Variants in NLGN1 observed in about 807,000 individuals in gnomAD.
NLGN1 encodes neuroligin-1.
Under a neutral mutation model 65.5 loss-of-function variants are expected in NLGN1, and 12 were observed. That is an observed-to-expected ratio of 0.18 (90% confidence interval 0.12 to 0.30). The LOEUF (loss-of-function observed/expected upper bound fraction) is 0.30. NLGN1 is among the 10% of genes least tolerant of loss of function. NLGN1 has a pLI of 1.00. For synonymous variants in NLGN1, 350 were observed against 359.5 expected, an observed-to-expected ratio of 0.97 and a Z score of 0.30; for missense variants, 750 against 1,007.1, an observed-to-expected ratio of 0.74 and a Z score of 3.46.
intron 3 of NLGN1, among the ~76,000 whole-genome samples, chr3:173,793,502 G>A (rs1873039): frequency 0.67 from 101,528 of 151,972 alleles, 34,801 homozygotes; most frequent in Non-Finnish European, 0.75. Flanking sequence ...CATCCAAGTA[G>A]AAATTGTTGC....
intron 4 of NLGN1, among the ~76,000 whole-genome samples, chr3:174,084,422 A>T (rs538743897): frequency 3.7e-4 from 56 of 152,256 alleles, no homozygotes; most frequent in Middle Eastern, 3.4e-3. Context: ...TTACATTTTT[A>T]AAAAAATAAG....
chr3:173,823,418 A>G (rs1720712690), intron 4 of NLGN1, among the ~76,000 whole-genome samples: 1 of 152,082 alleles, frequency 6.6e-6, no homozygotes, highest in African/African-American at 2.4e-5. Context: ...AATGAAGTCA[A>G]CATAAATTTA....
At chr3:173,623,151 G>T (rs1754280541) in intron 3 of NLGN1, among the ~76,000 whole-genome samples, 1 of 151,992 alleles carries the variant, frequency 6.6e-6, no homozygotes, top group African/African-American at 2.4e-5. Context: ...CTCTAAAATG[G>T]CCTCTACATA....
chr3:174,136,510 T>G (rs1362802242), intron 4 of NLGN1: 1 of 152,078 alleles, frequency 6.6e-6, no homozygotes, highest in East Asian at 1.9e-4. Context: ...TTTATAATTT[T>G]TTAAGAAAAG....
chr3:174,094,818 A>G (rs186856076), intron 4 of NLGN1, among the ~76,000 whole-genome samples: 108 of 151,548 alleles, frequency 7.1e-4, no homozygotes, highest in Non-Finnish European at 1.3e-3. Flanking sequence ...AGCCAGACAC[A>G]GAGACTATAC....
chr3:174,265,133 G>A (rs1747785423), intron 4 of NLGN1, among the ~76,000 whole-genome samples: 1 of 151,656 alleles, frequency 6.6e-6, no homozygotes, highest in African/African-American at 2.4e-5. Flanking sequence ...CTGTCTTTTT[G>A]TTTGTCTGTG....
exon 7 of NLGN1, chr3:174,284,186 CTAGGTT>C (rs1751865126): frequency 6.6e-6 from 1 of 151,156 alleles, no homozygotes; most frequent in Non-Finnish European, 1.5e-5. Flanking sequence ...ATAAAGCAGC[CTAGGTT>C]TAATTGTTGT....
chr3:173,794,037 T>C (rs1340970816), intron 3 of NLGN1, among the ~76,000 whole-genome samples: 1 of 151,966 alleles, frequency 6.6e-6, no homozygotes, highest in Non-Finnish European at 1.5e-5. Context: ...ACCTCCAGGC[T>C]TCCTCTCTTT....
At chr3:174,033,907 A>G (rs1349738097) in intron 4 of NLGN1, among the ~76,000 whole-genome samples, 3 of 152,200 alleles carry the variant, frequency 2.0e-5, no homozygotes, top group African/African-American at 7.2e-5. Context: ...AATGATCAGG[A>G]ACTTTACAAA....
chr3:174,255,056 C>A (rs1438236515), intron 4 of NLGN1, among the ~76,000 whole-genome samples: 3 of 152,114 alleles, frequency 2.0e-5, no homozygotes, highest in Non-Finnish European at 4.4e-5. Context: ...AGTGTTGGTA[C>A]ACAGCTACAA....
At chr3:173,427,659 A>G (rs1421899096) in intron 1 of NLGN1, among the ~76,000 whole-genome samples, 7 of 151,756 alleles carry the variant, frequency 4.6e-5, no homozygotes, top group Admixed American at 2.0e-4. Context: ...GTTTTATTCC[A>G]TTGTGGTCAG....
intron 3 of NLGN1, among the ~76,000 whole-genome samples, chr3:173,633,220 A>G (rs1005129197): frequency 6.6e-6 from 1 of 152,122 alleles, no homozygotes; most frequent in Non-Finnish European, 1.5e-5. Context: ...TTATTTCACC[A>G]TCTTTCTGAA....
At chr3:174,116,050 A>G (rs1716336592) in intron 4 of NLGN1, among the ~76,000 whole-genome samples, 2 of 152,218 alleles carry the variant, frequency 1.3e-5, no homozygotes, top group African/African-American at 2.4e-5. Context: ...TGGGAAGTCC[A>G]TTACAACAAG....
chr3:173,579,509 T>C (rs1175373799), intron 2 of NLGN1, among the ~76,000 whole-genome samples: 1 of 152,190 alleles, frequency 6.6e-6, no homozygotes, highest in Non-Finnish European at 1.5e-5. Flanking sequence ...AAATGTCTAG[T>C]CTTGATCATC....
chr3:174,220,065 C>T (rs1302382822), intron 4 of NLGN1, among the ~76,000 whole-genome samples: 1 of 141,598 alleles, frequency 7.1e-6, no homozygotes, highest in Admixed American at 7.4e-5. Flanking sequence ...CAAAAGTGTC[C>T]ACAAAGTCTA....
At chr3:173,469,929 T>C (rs1725042785) in intron 2 of NLGN1, among the ~76,000 whole-genome samples, 3 of 151,534 alleles carry the variant, frequency 2.0e-5, no homozygotes, top group African/African-American at 7.2e-5. Flanking sequence ...CATTTGCTTC[T>C]CTATTATATA....
intron 3 of NLGN1, among the ~76,000 whole-genome samples, chr3:173,762,965 T>TACACACACACACACACACACACAC (rs111427276): frequency 1.5e-4 from 21 of 143,360 alleles, no homozygotes; most frequent in African/African-American, 4.6e-4. Context: ...TTGTCTCTGA[T>TACACACACACACACACACACACAC]ACACACACAC....
At chr3:173,985,768 G>A (rs183275188) in intron 4 of NLGN1, among the ~76,000 whole-genome samples, 120 of 152,084 alleles carry the variant, frequency 7.9e-4, no homozygotes, top group African/African-American at 2.8e-3. Flanking sequence ...TGGCCAACAT[G>A]GCAAAACCCC....
At chr3:174,274,859 A>G (rs1750227156) in intron 4 of NLGN1, among the ~76,000 whole-genome samples, 1 of 151,852 alleles carries the variant, frequency 6.6e-6, no homozygotes. Flanking sequence ...CGCCTGCTCT[A>G]CACATGTCCA....
Sources: allele counts gnomAD v4.1 joint callset (sites outside exome capture counted in the v4.1 genomes callset), GRCh38; gene constraint gnomAD v4.1.1; transcripts MANE v1.5; gene names NCBI Gene and HGNC (gene_info 2026-07-23, HGNC 2026-07-21).